ZNF740: variants seen among roughly 807,000 people sequenced by gnomAD.
ZNF740 encodes the protein zinc finger protein 740.
ZNF740 carries 14 observed loss-of-function variants against 24.8 expected under a neutral mutation model. The ratio of observed to expected loss-of-function variants is 0.56; its 90% CI spans 0.37 to 0.88. The LOEUF (loss-of-function observed/expected upper bound fraction) is 0.88. Ranked by LOEUF, ZNF740 falls within the 40% of genes least tolerant of loss-of-function variation. ZNF740 has a pLI of 0.00. For synonymous variants in ZNF740, 69 were observed against 84.0 expected (o/e 0.82, Z 0.98); for missense variants, 201 against 247.9 (o/e 0.81, Z 1.27).
At chr12:53,186,272 C>A in intron 5 of ZNF740, 119 bp from the exon 6 acceptor site, 1 of 1,164,822 alleles carries the variant, frequency 8.6e-7, no homozygotes, top group South Asian at 1.5e-5. Flanking sequence ...GGACCTCTCC[C>A]CATTTATGAT....
At position 53,193,142 on chromosome 12, in the gene ZNF740, C is replaced by A; in HGVS notation, c.*5552C>A. The A allele has an allele frequency of 6.2e-7, 1 of 1,607,346 alleles. No individual in the cohort carries two copies. The highest frequency in any genetic ancestry group is 8.5e-7 in the Non-Finnish European group (1 of 1,174,976). ...CTTCTCCCCAAGGCTCCAGGTACCT[C>A]CGCAGAGGATGCCCTCATGTCGCTC... On this transcript the variant is annotated 3_prime_UTR_variant, in exon 7 of 7. Transcript: ENST00000416904.
In ZNF740 at chr12:53,190,060, G is replaced by T. The variant is rs2120370078; in HGVS notation, c.*2470G>T. On this transcript the variant is annotated 3_prime_UTR_variant, in exon 7 of 7. Coordinates refer to ENST00000416904, the MANE Select transcript of ZNF740 (RefSeq NM_001004304.4). ...AGGGAGGGAACTTCAGAGAGTATGT[G>T]CGAACAGCCATAGCAGAGCCACCCC... is the stretch of plus-strand genomic sequence containing the variant. 6.6e-6 allele frequency: 1 copy of T among 152,404 alleles called. No homozygotes were observed. The highest frequency in any genetic ancestry group is 1.5e-5 in the Non-Finnish European group (1 of 68,116). The allele number at this position is 152,404 out of a possible 1,614,324, so 9.4% of individuals were successfully genotyped here.
At position 53,192,968 on chromosome 12, in the gene ZNF740, A is replaced by G. The variant is rs1942017765; in HGVS notation, c.*5378A>G. ...TACTCCACACACACAGTTGGCCATC[A>G]TGTGGCACGACAAGCCCACGCATCC... On this transcript the variant is annotated 3_prime_UTR_variant, in exon 7 of 7. Coordinates refer to ENST00000416904, the MANE Select transcript of ZNF740 (RefSeq NM_001004304.4). 3 of 1,543,754 alleles carry G rather than the reference A, an allele frequency of 1.9e-6. No individual in the cohort carries two copies. The highest frequency in any genetic ancestry group is 8.9e-7 in the Non-Finnish European group (1 of 1,120,846).
intron 6 of ZNF740, 89 bp downstream of exon 6, chr12:53,186,598 C>A: frequency 9.6e-7 from 1 of 1,036,930 alleles, no homozygotes; most frequent in Non-Finnish European, 1.4e-6. Flanking sequence ...GACAAAAGAG[C>A]CACCAGCGTT....
rs76041782 is a variant in ZNF740 at position 53,187,233 on chromosome 12, C to T, written c.493-268C>T. Among the ~76,000 whole-genome samples the T allele has an allele frequency of 8.0e-3, 1,218 of 152,300 alleles. 7 individuals carry two copies. The highest frequency in any genetic ancestry group is 0.013 in the Non-Finnish European group (878 of 68,030). ...TGCTGTGAGTAGGTACTTTTAGCCT[C>T]GCTTTGCAGTTTTGCAGATGAGTAT... On this transcript the variant is annotated intron_variant, in intron 6 of 6. Coordinates refer to ENST00000416904, the MANE Select transcript of ZNF740 (RefSeq NM_001004304.4).
At position 53,190,224 on chromosome 12, in the gene ZNF740, C is replaced by T. The variant is rs1941904990; in HGVS notation, c.*2634C>T. 6.6e-6 allele frequency: 1 copy of T among 152,640 alleles called. No homozygotes were observed. Among genetic ancestry groups the T allele is most frequent in the South Asian group, 2.1e-4 (1 of 4,832 alleles). 9.5% of individuals were successfully genotyped at this position (152,640 alleles called of 1,614,324 possible). A position where few individuals can be genotyped will look rare whatever the true frequency, so the allele number is the denominator to read the frequency against. ...TTTGGCATCCAGAGGGCCCGGGAGC[C>T]CCACGGATACCCCAGGGAAGCCACT... On this transcript the variant is annotated 3_prime_UTR_variant, in exon 7 of 7. Coordinates refer to ENST00000416904, the MANE Select transcript of ZNF740 (RefSeq NM_001004304.4).
intron 1 of ZNF740, chr12:53,181,135 G>T (rs895030273): frequency 6.0e-5 from 59 of 977,496 alleles, no homozygotes; most frequent in Admixed American, 1.8e-4. Context: ...GGTGCAGCGG[G>T]TGCAGAGGCT....
In ZNF740 at chr12:53,193,795, G is replaced by T; in HGVS notation, c.*6205G>T. 1 of 1,614,072 alleles carries T rather than the reference G, an allele frequency of 6.2e-7. No individual in the cohort carries two copies. The highest frequency in any genetic ancestry group is 8.5e-7 in the Non-Finnish European group (1 of 1,179,982). On this transcript the variant is annotated 3_prime_UTR_variant, in exon 7 of 7. Coordinates refer to ENST00000416904, the MANE Select transcript of ZNF740 (RefSeq NM_001004304.4). ...GTCACTGCAATTACAGTCACACAGC[G>T]TGTGCAACTCCACAATCAGCTCCTC...
intron 2 of ZNF740, among the ~76,000 whole-genome samples, chr12:53,183,103 A>G (rs11170457): frequency 0.059 from 8,922 of 152,228 alleles, 356 homozygotes; most frequent in East Asian, 0.16. Flanking sequence ...CTTTCCATAT[A>G]GAATAGGAGC....
chr12:53,187,840 C>A lies in ZNF740; in HGVS notation c.*250C>A. On this transcript the variant is annotated 3_prime_UTR_variant, in exon 7 of 7. Transcript: ENST00000416904. ...GGGTAGGGGAGCTAGTCCCTGGACC[C>A]TTGGCTGAGGTCATAGGTGGGGACT... 1 of 496,992 alleles carries A rather than the reference C, an allele frequency of 2.0e-6. No individual in the cohort carries two copies. Among genetic ancestry groups the A allele is most frequent in the Non-Finnish European group, 3.7e-6 (1 of 272,076 alleles). 30.8% of individuals were successfully genotyped at this position (496,992 alleles called of 1,614,324 possible). A position where few individuals can be genotyped will look rare whatever the true frequency, so the allele number is the denominator to read the frequency against.
Position 53,192,337 on chromosome 12 carries a change from G to C in ZNF740, c.*4747G>C, listed in dbSNP as rs200819983. ...GCATCCCTGCCCACTTACTTTCTTG[G>C]GGTCTCACTCTGAGCACGACCGTGC... On this transcript the variant is annotated 3_prime_UTR_variant, in exon 7 of 7. Transcript: ENST00000416904. The C allele has an allele frequency of 1.7e-5, 28 of 1,613,788 alleles. No individual in the cohort carries two copies. Among genetic ancestry groups the C allele is most frequent in the Admixed American group, 5.0e-5 (3 of 59,976 alleles).
Position 53,186,420 on chromosome 12 carries a change from G to A in ZNF740, c.403G>A (p.Asp135Asn). Residue 135 changes from aspartate to asparagine, a missense_variant, in exon 6 of 7, where the codon GAT becomes AAT. Transcript: ENST00000416904. ...GAAGCCATTTGAATGCGATATATGTGATATGCGTTTCATCCAGAAGTACCA... is the reference window on the plus strand; with the variant it reads ...GAAGCCATTTGAATGCGATATATGTAATATGCGTTTCATCCAGAAGTACCA... ...GEKPFECDICDMRFIQKYHLE... is the reference protein window; with the variant it reads ...GEKPFECDICNMRFIQKYHLE... 1 of 1,587,254 alleles carries A rather than the reference G, an allele frequency of 6.3e-7. No individual in the cohort carries two copies. Among genetic ancestry groups the A allele is most frequent in the Non-Finnish European group, 8.6e-7 (1 of 1,166,124 alleles).
chr12:53,182,508 A>G (rs1941690468), intron 2 of ZNF740, among the ~76,000 whole-genome samples: 1 of 152,156 alleles, frequency 6.6e-6, no homozygotes, highest in Non-Finnish European at 1.5e-5. Flanking sequence ...GAGACTCTGA[A>G]TCTGTTGATT....
In ZNF740 at chr12:53,193,348, G is replaced by A. The variant is rs1211651481; in HGVS notation, c.*5758G>A. 5 of 1,586,668 alleles carry A rather than the reference G, an allele frequency of 3.2e-6. No individual in the cohort carries two copies. The East Asian group carries it at 9.0e-5, about 29-fold the overall frequency. ...CAGAGCACTCACAGAGCCGACCTAG[G>A]CGGCCAGGGGCACAGCTGGAAGGGG... On this transcript the variant is annotated 3_prime_UTR_variant, in exon 7 of 7. Coordinates refer to ENST00000416904, the MANE Select transcript of ZNF740 (RefSeq NM_001004304.4).
intron 2 of ZNF740, among the ~76,000 whole-genome samples, chr12:53,184,146 T>TGC (rs1387799137): frequency 4.6e-4 from 47 of 103,200 alleles, no homozygotes; most frequent in African/African-American, 1.2e-3. Flanking sequence ...TGTGTGTGTG[T>TGC]GTGTGCGCGC....
rs765265011 is a variant in ZNF740 at position 53,181,955 on chromosome 12, T to C, written c.-29T>C. ...AAGGTGGACCTAGGAACTCCTGAAC[T>C]TTTGGGTTGCCTTAAGTGAGAAATC... On this transcript the variant is annotated 5_prime_UTR_variant, in exon 2 of 7. Transcript: ENST00000416904. 1.2e-6 allele frequency: 2 copies of C among 1,604,106 alleles called. No homozygotes were observed. Among genetic ancestry groups the C allele is most frequent in the Non-Finnish European group, 1.7e-6 (2 of 1,175,006 alleles).
At chr12:53,186,654 G>A in intron 6 of ZNF740, 145 bp downstream of exon 6, 2 of 586,306 alleles carry the variant, frequency 3.4e-6, no homozygotes, top group East Asian at 5.7e-5. Flanking sequence ...CATCTGTCTG[G>A]CCTTATGCAG....
chr12:53,191,997 G>C lies in ZNF740; in HGVS notation c.*4407G>C, dbSNP rs1339800857. ...TGCCCCCTACGCAGCCCAGCACAAT[G>C]GCCTGCGTGTGGTCTGCTCCCTCTG... is the stretch of plus-strand genomic sequence containing the variant. On this transcript the variant is annotated 3_prime_UTR_variant, in exon 7 of 7. Transcript: ENST00000416904. 6.2e-7 allele frequency: 1 copy of C among 1,612,984 alleles called. No individual in the cohort carries two copies. Among genetic ancestry groups the C allele is most frequent in the Non-Finnish European group, 8.5e-7 (1 of 1,179,898 alleles).
intron 6 of ZNF740, 77 bp downstream of exon 6, chr12:53,186,586 C>T: frequency 8.3e-7 from 1 of 1,206,794 alleles, no homozygotes; most frequent in Non-Finnish European, 1.2e-6. Context: ...CCACTCCTGC[C>T]TGACAAAAGA....
Sources: gnomAD v4.1 joint callset for allele counts (sites outside exome capture counted in the v4.1 genomes callset) on GRCh38, gnomAD v4.1.1 for gene constraint, MANE v1.5 for transcripts, NCBI Gene and HGNC (gene_info 2026-07-23, HGNC 2026-07-21) for gene names.